Variants in RPS6KB1 observed in about 807,000 individuals in gnomAD.
RPS6KB1 encodes ribosomal protein S6 kinase B1, also known as ribosomal protein S6 kinase beta-1.
A neutral mutation model predicts 70.2 loss-of-function variants in RPS6KB1; 12 were observed. The ratio of observed to expected loss-of-function variants is 0.17; its 90% confidence interval spans 0.11 to 0.28. The LOEUF is 0.28. Among genes scored for constraint, RPS6KB1 ranks in the 10% least tolerant of loss-of-function variants. The pLI is 1.00. For synonymous variants in RPS6KB1, 175 were observed against 211.2 expected, an observed-to-expected ratio of 0.83 and a Z score of 1.49; for missense variants, 270 against 646.6, an observed-to-expected ratio of 0.42 and a Z score of 6.32.
chr17:59,926,663 CT>C, intron 5 of RPS6KB1, 81 bp downstream of exon 5: 1 of 1,175,990 alleles, frequency 8.5e-7, no homozygotes, highest in East Asian at 2.4e-5. Context: ...TGGAAGAATA[CT>C]TTTTCCCATT....
chr17:59,899,789 T>C (rs1255285974), intron 1 of RPS6KB1, among the ~76,000 whole-genome samples: 2 of 152,262 alleles, frequency 1.3e-5, no homozygotes, highest in East Asian at 1.9e-4. Context: ...TTACATGTTA[T>C]CGTGATTTGG....
chr17:59,901,270 C>A (rs1275782311), intron 1 of RPS6KB1, among the ~76,000 whole-genome samples: 1 of 151,386 alleles, frequency 6.6e-6, no homozygotes, highest in African/African-American at 2.4e-5. Context: ...CTGCCTCAGC[C>A]TCCCGAGTAG....
Position 59,947,814 on chromosome 17 carries a change from A to G in RPS6KB1, c.*1026A>G. On this transcript the variant is annotated 3_prime_UTR_variant, in exon 15 of 15. Transcript: ENST00000225577. Reference sequence around the variant, plus strand: ...CTGTGGTCGGCAAGGTGAGGGAGATAGGGATATCCAGGGGAAGAGGGTGTT... The same window carrying G: ...CTGTGGTCGGCAAGGTGAGGGAGATGGGGATATCCAGGGGAAGAGGGTGTT... The G allele has an allele frequency of 2.1e-6, 1 of 484,674 alleles. No homozygotes were observed. The highest frequency in any genetic ancestry group is 4.2e-5 in the South Asian group (1 of 23,862). The allele number at this position is 484,674 out of a possible 1,614,324, so 30.0% of individuals were successfully genotyped here.
At chr17:59,937,222 T>A (rs1359088546) in intron 12 of RPS6KB1, among the ~76,000 whole-genome samples, 2 of 152,190 alleles carry the variant, frequency 1.3e-5, no homozygotes, top group Non-Finnish European at 2.9e-5. Flanking sequence ...ATTGACTGTA[T>A]TAGCTATTTT....
At chr17:59,940,983 G>A in intron 13 of RPS6KB1, 40 bp downstream of exon 13, 1 of 1,270,352 alleles carries the variant, frequency 7.9e-7, no homozygotes, top group Non-Finnish European at 1.1e-6. Context: ...GGAAATTTTA[G>A]TGTGAGGATG....
intron 1 of RPS6KB1, among the ~76,000 whole-genome samples, chr17:59,899,629 A>G (rs551985150): frequency 9.8e-5 from 15 of 152,342 alleles, no homozygotes; most frequent in Admixed American, 2.0e-4. Flanking sequence ...AGAGCAACAA[A>G]GACAAAAAAA....
chr17:59,922,737 G>C (rs748852644), intron 4 of RPS6KB1, among the ~76,000 whole-genome samples: 1 of 151,140 alleles, frequency 6.6e-6, no homozygotes, highest in South Asian at 2.1e-4. Context: ...GTAGAGATGG[G>C]GTTTCACCAT....
chr17:59,906,972 C>G (rs183848605), intron 1 of RPS6KB1: 1 of 151,730 alleles, frequency 6.6e-6, no homozygotes, highest in Non-Finnish European at 1.5e-5. Context: ...GGATTACAGA[C>G]GTGAGCCGCC....
chr17:59,900,655 G>C (rs1256402245), intron 1 of RPS6KB1, among the ~76,000 whole-genome samples: 3 of 152,054 alleles, frequency 2.0e-5, no homozygotes, highest in Non-Finnish European at 2.9e-5. Context: ...TGAGCCACGC[G>C]CCTGGCCTGG....
rs1000336935 is a variant in RPS6KB1, at chr17:59,893,558, G to A, written c.141+233G>A. Among the ~76,000 whole-genome samples the A allele has an allele frequency of 2.0e-5, 3 of 152,218 alleles. No individual in the cohort carries two copies. The highest frequency in any genetic ancestry group is 4.8e-5 in the African/African-American group (2 of 41,462). ...TAGCCCCAGGTCAGCGCAGCCCCGA[G>A]CGATCTGAAGAGGGAAAGAGAACGG... On this transcript the variant is annotated intron_variant, in intron 1 of 14. Transcript: ENST00000225577. This position sits in a 1 kb window ranked among gnomAD's most constrained non-coding sequence, Gnocchi z 4.1.
chr17:59,949,795 TTACTA>T lies in RPS6KB1; in HGVS notation c.*3010_*3014del, dbSNP rs2045116725. The T allele has an allele frequency of 1.3e-5, 2 of 152,444 alleles. No individual in the cohort carries two copies. Among genetic ancestry groups the T allele is most frequent in the Non-Finnish European group, 2.9e-5 (2 of 67,926 alleles). The allele number at this position is 152,444 out of a possible 1,614,324, so 9.4% of individuals were successfully genotyped here. On this transcript the variant is annotated 3_prime_UTR_variant, in exon 15 of 15. Coordinates refer to ENST00000225577, the MANE Select transcript of RPS6KB1 (RefSeq NM_003161.4). ...TGATACTCCATAAATTCAACATTCTTTACTATAGGTAATGAATGATTATAAACAAG... is the reference window on the plus strand; with the variant it reads ...TGATACTCCATAAATTCAACATTCTTTAGGTAATGAATGATTATAAACAAG...
At chr17:59,916,140 G>C (rs2042950145) in intron 4 of RPS6KB1, among the ~76,000 whole-genome samples, 1 of 150,922 alleles carries the variant, frequency 6.6e-6, no homozygotes, top group Non-Finnish European at 1.5e-5. Flanking sequence ...TCACTCTGTT[G>C]CCCAGGCTGG....
chr17:59,947,270 T>C lies in RPS6KB1; in HGVS notation c.*482T>C, dbSNP rs2044981386. ...AAGACAAAAGAAACTTACCAATTGA[T>C]GTTTTACGTGCAAACAACCTGAATC... On this transcript the variant is annotated 3_prime_UTR_variant, in exon 15 of 15. Coordinates refer to ENST00000225577, the MANE Select transcript of RPS6KB1 (RefSeq NM_003161.4). The C allele has an allele frequency of 4.9e-6, 5 of 1,017,896 alleles. No homozygotes were observed. Among genetic ancestry groups the C allele is most frequent in the Non-Finnish European group, 5.9e-6 (5 of 845,278 alleles). 63.1% of individuals were successfully genotyped at this position (1,017,896 alleles called of 1,614,324 possible). A position where few individuals can be genotyped will look rare whatever the true frequency, so the allele number is the denominator to read the frequency against.
intron 12 of RPS6KB1, among the ~76,000 whole-genome samples, chr17:59,940,296 T>C (rs1418727869): frequency 1.4e-5 from 2 of 146,720 alleles, no homozygotes; most frequent in African/African-American, 5.0e-5. Flanking sequence ...TTTTTTTTTT[T>C]TTTTTATTGA....
intron 1 of RPS6KB1, among the ~76,000 whole-genome samples, chr17:59,898,810 T>G (rs1246289932): frequency 6.6e-6 from 1 of 152,058 alleles, no homozygotes; most frequent in East Asian, 1.9e-4. Flanking sequence ...CTACCCTTTC[T>G]TCCATTTCCT....
chr17:59,919,507 G>A (rs1322706144), intron 4 of RPS6KB1, among the ~76,000 whole-genome samples: 4 of 151,404 alleles, frequency 2.6e-5, no homozygotes, highest in Non-Finnish European at 5.9e-5. Context: ...TTCTGGGGAG[G>A]ATCAGTTGGT....
At chr17:59,924,189 T>C (rs2043452735) in intron 4 of RPS6KB1, among the ~76,000 whole-genome samples, 1 of 151,854 alleles carries the variant, frequency 6.6e-6, no homozygotes, top group Non-Finnish European at 1.5e-5. Context: ...ATTAGCCAGG[T>C]GTGGTGGCAG....
chr17:59,925,997 G>A (rs180531), intron 4 of RPS6KB1, among the ~76,000 whole-genome samples: 120,071 of 151,966 alleles, frequency 0.79, 48,242 homozygotes, highest in African/African-American at 0.95. Context: ...GGTCAGATGT[G>A]GTTCCCCTGT....
rs1415863360 is a variant in RPS6KB1, at chr17:59,947,879, T to G, written c.*1091T>G. On this transcript the variant is annotated 3_prime_UTR_variant, in exon 15 of 15. Transcript: ENST00000225577. ...TCTGTCTAATCTCTTTACAGCAAATTGGTAAGATTTTCAGTTTTACTTCTT... is the reference window on the plus strand; with the variant it reads ...TCTGTCTAATCTCTTTACAGCAAATGGGTAAGATTTTCAGTTTTACTTCTT... 2.7e-6 allele frequency: 1 copy of G among 373,852 alleles called. No individual in the cohort carries two copies. Among genetic ancestry groups the G allele is most frequent in the Admixed American group, 4.6e-5 (1 of 21,682 alleles). 23.2% of individuals were successfully genotyped at this position (373,852 alleles called of 1,614,324 possible). A position where few individuals can be genotyped will look rare whatever the true frequency, so the allele number is the denominator to read the frequency against.
Sources: gnomAD v4.1 joint callset for allele counts (sites outside exome capture counted in the v4.1 genomes callset) on GRCh38, gnomAD v4.1.1 for gene constraint, Gnocchi (gnomAD v3.1) non-coding constraint, MANE v1.5 for transcripts, NCBI Gene and HGNC (gene_info 2026-07-23, HGNC 2026-07-21) for gene names.